CTIF: variants seen among roughly 807,000 people sequenced by gnomAD.
CTIF encodes the protein CBP80/20-dependent translation initiation factor.
In CTIF, 21 loss-of-function variants were observed where a neutral mutation model predicts 66.0. The ratio of observed to expected loss-of-function variants is 0.32; its 90% CI spans 0.23 to 0.46. The LOEUF (loss-of-function observed/expected upper bound fraction) is 0.46, where lower values mean the gene tolerates loss of function less well. CTIF is among the 20% of genes least tolerant of loss of function. The pLI, the probability that CTIF is intolerant of heterozygous loss-of-function variation, is 1.00. For missense variants in CTIF, 739 were observed against 812.7 expected, an observed-to-expected ratio of 0.91 and a Z score of 1.10; for synonymous variants, 345 against 326.4, an observed-to-expected ratio of 1.06 and a Z score of -0.62.
rs913713767 is a variant in CTIF at position 48,851,029 on chromosome 18, T to A, written c.1528-6559T>A. 5.3e-5 allele frequency among the ~76,000 whole-genome samples: 8 copies of A among 152,282 alleles called. No individual in the cohort carries two copies. In the South Asian group the frequency reaches 1.7e-3, roughly 32 times the overall value. ...GTTTGCAAGAGGGCCTCTCGCACAA[T>A]GTGGTTTTTGGCTTCATGCAGACTT... On this transcript the variant is annotated intron_variant, in intron 10 of 11. Transcript: ENST00000256413.
chr18:48,729,802 G>A (rs1299902171), intron 7 of CTIF, among the ~76,000 whole-genome samples: 1 of 152,224 alleles, frequency 6.6e-6, no homozygotes, highest in Non-Finnish European at 1.5e-5. Context: ...AGAATGCTGT[G>A]GAGAGAAGTC....
At chr18:48,740,043 G>A (rs1488300467) in intron 7 of CTIF, among the ~76,000 whole-genome samples, 1 of 152,232 alleles carries the variant, frequency 6.6e-6, no homozygotes, top group Non-Finnish European at 1.5e-5. Flanking sequence ...CTTTAAGGTA[G>A]GTGCTATTAT....
intron 1 of CTIF, among the ~76,000 whole-genome samples, chr18:48,575,232 T>C (rs1182919778): frequency 2.0e-5 from 3 of 152,336 alleles, no homozygotes; most frequent in Admixed American, 1.3e-4. Flanking sequence ...TTTACATCTT[T>C]TACATCTTTT....
chr18:48,566,829 G>C (rs1042073572), intron 1 of CTIF: 1 of 152,216 alleles, frequency 6.6e-6, no homozygotes, highest in South Asian at 2.1e-4. Context: ...CCATTGGAAG[G>C]GGTAAAGAAT....
intron 10 of CTIF, among the ~76,000 whole-genome samples, chr18:48,829,865 T>C (rs2068654615): frequency 6.6e-6 from 1 of 152,256 alleles, no homozygotes. Flanking sequence ...GCTGCCATTC[T>C]TGCCTTCAGA....
intron 3 of CTIF, among the ~76,000 whole-genome samples, chr18:48,656,898 G>A (rs1258122910): frequency 6.6e-6 from 1 of 152,210 alleles, no homozygotes; most frequent in African/African-American, 2.4e-5. Context: ...ATTGCCAACT[G>A]CAGAATGTTC....
At chr18:48,597,427 G>A (rs1289569152) in intron 1 of CTIF, among the ~76,000 whole-genome samples, 2 of 152,186 alleles carry the variant, frequency 1.3e-5, no homozygotes, top group East Asian at 1.9e-4. Flanking sequence ...TGTTGGAGGT[G>A]GGGCCTGGTG....
At chr18:48,588,313 G>A (rs1182366879) in intron 1 of CTIF, among the ~76,000 whole-genome samples, 1 of 152,190 alleles carries the variant, frequency 6.6e-6, no homozygotes, top group African/African-American at 2.4e-5. Flanking sequence ...TGTCAAAGGT[G>A]GGGTTTCATC....
At chr18:48,745,500 G>C (rs2092588567) in intron 7 of CTIF, among the ~76,000 whole-genome samples, 1 of 152,166 alleles carries the variant, frequency 6.6e-6, no homozygotes, top group Non-Finnish European at 1.5e-5. Context: ...GATGATTCTT[G>C]CTTGAAACAA....
intron 10 of CTIF, among the ~76,000 whole-genome samples, chr18:48,856,332 T>G (rs1466425967): frequency 6.6e-6 from 1 of 152,196 alleles, no homozygotes; most frequent in South Asian, 2.1e-4. Context: ...ATGGAGCCAT[T>G]GTGGGAAAAC....
intron 1 of CTIF, among the ~76,000 whole-genome samples, chr18:48,544,067 T>C (rs775237040): frequency 3.3e-4 from 51 of 152,338 alleles, no homozygotes; most frequent in Non-Finnish European, 5.9e-4. Context: ...TTTGCAAAGC[T>C]GGGATGCGTG....
At chr18:48,810,269 T>C (rs1167289311) in intron 9 of CTIF, among the ~76,000 whole-genome samples, 1 of 152,198 alleles carries the variant, frequency 6.6e-6, no homozygotes, top group Admixed American at 6.5e-5. Context: ...GGCTACCATA[T>C]TGGATAACAT....
At position 48,710,199 on chromosome 18, in the gene CTIF, G is replaced by T. The variant is rs535868923; in HGVS notation, c.508-1420G>T. On this transcript the variant is annotated intron_variant, in intron 6 of 11. Transcript: ENST00000256413. Reference sequence around the variant, plus strand: ...CCCCACCACAGGGTGTAACCCACAGGACTATGATCTCTAACTCACTGTGTG... The same window carrying T: ...CCCCACCACAGGGTGTAACCCACAGTACTATGATCTCTAACTCACTGTGTG... Among the ~76,000 whole-genome samples the T allele has an allele frequency of 2.0e-3, 309 of 152,360 alleles. 1 individual carries two copies. Among genetic ancestry groups the T allele is most frequent in the African/African-American group, 7.3e-3 (304 of 41,592 alleles).
chr18:48,787,421 C>T (rs1053656618), intron 9 of CTIF, among the ~76,000 whole-genome samples: 1 of 152,144 alleles, frequency 6.6e-6, no homozygotes, highest in Non-Finnish European at 1.5e-5. Context: ...AGACTCACAT[C>T]TCAGAAGAGA....
chr18:48,689,460 C>A (rs1360014386), intron 6 of CTIF, among the ~76,000 whole-genome samples: 1 of 152,176 alleles, frequency 6.6e-6, no homozygotes, highest in East Asian at 1.9e-4. Context: ...AAGTCATTTT[C>A]TAGAAGGCCA....
chr18:48,707,148 G>A (rs2092167069), intron 6 of CTIF, among the ~76,000 whole-genome samples: 1 of 152,196 alleles, frequency 6.6e-6, no homozygotes, highest in African/African-American at 2.4e-5. Context: ...CTGGACTGAT[G>A]TCTACATGGG....
At position 48,717,545 on chromosome 18, in the gene CTIF, A is replaced by G. The variant is rs115639463; in HGVS notation, c.584+5850A>G. On this transcript the variant is annotated intron_variant, in intron 7 of 11. Transcript: ENST00000256413. ...GATTTTTCAAGCTCTCTGTAACATC[A>G]TCTAAGTCACTGATAAAAACAAACA... Among the ~76,000 whole-genome samples, 1,017 of 152,212 alleles carry G rather than the reference A, an allele frequency of 6.7e-3. 18 individuals are homozygous for G. Among genetic ancestry groups the G allele is most frequent in the African/African-American group, 0.024 (990 of 41,518 alleles).
intron 9 of CTIF, among the ~76,000 whole-genome samples, chr18:48,794,317 G>T (rs2067860881): frequency 6.6e-6 from 1 of 152,216 alleles, no homozygotes; most frequent in Non-Finnish European, 1.5e-5. Flanking sequence ...AGTCACATTA[G>T]GCACAGAATC....
At chr18:48,663,581 G>C (rs954946328) in intron 3 of CTIF, among the ~76,000 whole-genome samples, 171 bp from the exon 4 acceptor site, 1 of 151,948 alleles carries the variant, frequency 6.6e-6, no homozygotes, top group African/African-American at 2.4e-5. Context: ...CCTATGCCTG[G>C]GGGGAGGCCA....
Sources: allele counts gnomAD v4.1 joint callset (sites outside exome capture counted in the v4.1 genomes callset), GRCh38; gene constraint gnomAD v4.1.1; transcripts MANE v1.5; gene names NCBI Gene and HGNC (gene_info 2026-07-23, HGNC 2026-07-21).